GRIK2: variants seen among roughly 807,000 people sequenced by gnomAD.
The protein encoded by GRIK2 is glutamate ionotropic receptor kainate type subunit 2.
A neutral mutation model predicts 100.3 loss-of-function variants in GRIK2; 32 were observed. That is an observed-to-expected ratio of 0.32 (90% CI 0.24 to 0.43). GRIK2 has a LOEUF of 0.43. GRIK2 is among the 20% of genes least tolerant of loss of function. GRIK2 has a pLI of 1.00. For missense variants in GRIK2, 843 were observed against 1,114.9 expected (o/e 0.76, Z 3.47); for synonymous variants, 417 against 389.4 (o/e 1.07, Z -0.83).
chr6:101,664,895 C>CA (rs1769899687), intron 4 of GRIK2, among the ~76,000 whole-genome samples: 1 of 152,086 alleles, frequency 6.6e-6, no homozygotes, highest in African/African-American at 2.4e-5. Flanking sequence ...AAAACAACAA[C>CA]AAAAAATCAG....
At chr6:101,753,480 G>A (rs1396524977) in intron 7 of GRIK2, among the ~76,000 whole-genome samples, 3 of 151,982 alleles carry the variant, frequency 2.0e-5, no homozygotes, top group Admixed American at 6.6e-5. Context: ...GTTATGGAGA[G>A]TATGAAGTCT....
intron 7 of GRIK2, among the ~76,000 whole-genome samples, chr6:101,735,280 A>G (rs1340862561): frequency 1.3e-5 from 2 of 152,168 alleles, no homozygotes; most frequent in Admixed American, 6.5e-5. Context: ...AGAGGAAGGG[A>G]AGCCCTGGAG....
intron 14 of GRIK2, among the ~76,000 whole-genome samples, chr6:101,965,193 C>A (rs753707516): frequency 6.6e-6 from 1 of 152,134 alleles, no homozygotes; most frequent in Non-Finnish European, 1.5e-5. Context: ...TACTATACTT[C>A]ATTATTCATT....
chr6:101,795,774 T>G (rs1238004299), intron 7 of GRIK2, among the ~76,000 whole-genome samples: 1 of 152,132 alleles, frequency 6.6e-6, no homozygotes, highest in Non-Finnish European at 1.5e-5. Flanking sequence ...CTTGGGTACT[T>G]GGGGGATAGT....
At chr6:101,626,741 T>C in intron 4 of GRIK2, 104 bp downstream of exon 4, 5 of 1,034,190 alleles carry the variant, frequency 4.8e-6, no homozygotes, top group Non-Finnish European at 7.0e-6. Context: ...ATTTTGAGTT[T>C]TGAAAATTCA....
chr6:101,399,954 G>A (rs1165638025), intron 2 of GRIK2, among the ~76,000 whole-genome samples: 1 of 152,218 alleles, frequency 6.6e-6, no homozygotes, highest in Non-Finnish European at 1.5e-5. Flanking sequence ...TGCCCTTACT[G>A]GGATGCAGAG....
rs1191874398 is a variant in GRIK2, at chr6:101,565,915, TTATATATATATATATATGTGTATATATA to T, written c.116-56017_116-55990del. Among the ~76,000 whole-genome samples the T allele has an allele frequency of 2.4e-4, 30 of 123,338 alleles. 2 individuals are homozygous for T. The highest frequency in any genetic ancestry group is 7.3e-4 in the Admixed American group (9 of 12,380). The allele number at this position is 123,338 out of a possible 152,430, so 80.9% of individuals were successfully genotyped here. Reference sequence around the variant, plus strand: ...CAATCTTTATCTTTATATACCTATTTTATATATATATATATATGTGTATATATATATATATATATATATAAGCAAACTA... The same window carrying T: ...CAATCTTTATCTTTATATACCTATTTTATATATATATATATAAGCAAACTA... On this transcript the variant is annotated intron_variant, in intron 2 of 16. Coordinates refer to ENST00000369134, the MANE Select transcript of GRIK2 (RefSeq NM_021956.5).
At chr6:101,394,550 T>A (rs1774927523) in intron 1 of GRIK2, among the ~76,000 whole-genome samples, 1 of 152,240 alleles carries the variant, frequency 6.6e-6, no homozygotes, top group Admixed American at 6.5e-5. Flanking sequence ...AGCCTTTTGG[T>A]AATGCACAGA....
intron 7 of GRIK2, among the ~76,000 whole-genome samples, chr6:101,725,121 G>A (rs1774769573): frequency 6.6e-6 from 1 of 151,966 alleles, no homozygotes; most frequent in Non-Finnish European, 1.5e-5. Context: ...CTTTACACGG[G>A]TAATAATCAT....
intron 2 of GRIK2, among the ~76,000 whole-genome samples, chr6:101,512,671 CT>C (rs112695973): frequency 6.6e-6 from 1 of 152,036 alleles, no homozygotes; most frequent in South Asian, 2.1e-4. Context: ...ATAGTATTAA[CT>C]TTTTTTCAAT....
rs1234192570 is a variant in GRIK2 at position 101,686,335 on chromosome 6, G to A, written c.933G>A (p.Leu311=). ...CACCTCCGAAACCCGATTCAGGTTT[G>A]CTGGATGGATTTATGACGGTATGAA... ...LQAPPKPDSG[L]LDGFMTTDAA... Residue 311 remains leucine (L), a synonymous_variant, in exon 7 of 17, where the codon TTG becomes TTA. Coordinates refer to ENST00000369134, the MANE Select transcript of GRIK2 (RefSeq NM_021956.5). 1 of 1,613,228 alleles carries A rather than the reference G, an allele frequency of 6.2e-7. No homozygotes were observed.
chr6:101,595,190 T>A, intron 2 of GRIK2, among the ~76,000 whole-genome samples: 1 of 150,466 alleles, frequency 6.6e-6, no homozygotes, highest in African/African-American at 2.4e-5. Flanking sequence ...AGGCAAGAAA[T>A]GGAAGGAGAA....
intron 7 of GRIK2, among the ~76,000 whole-genome samples, chr6:101,740,346 G>A (rs568594978): frequency 6.6e-6 from 1 of 152,214 alleles, no homozygotes; most frequent in East Asian, 1.9e-4. Flanking sequence ...GTAACATATA[G>A]GAAGGTTGTT....
Position 101,963,510 on chromosome 6 carries a change from T to TTTC in GRIK2, c.2085+34880_2085+34881insCTT, listed in dbSNP as rs1491354748. ...TTTTCTCTTTTTCTTTCTTTCTTTC[T>TTTC]TTTTTTTTTTTTTTTGTATTTTTAG... On this transcript the variant is annotated intron_variant, in intron 14 of 16. Coordinates refer to ENST00000369134, the MANE Select transcript of GRIK2 (RefSeq NM_021956.5). Among the ~76,000 whole-genome samples, 77 of 34,718 alleles carry TTTC rather than the reference T, an allele frequency of 2.2e-3. No individual in the cohort carries two copies. In the South Asian group the frequency reaches 0.038, roughly 17 times the overall value. 22.8% of individuals were successfully genotyped at this position (34,718 alleles called of 152,430 possible).
intron 2 of GRIK2, among the ~76,000 whole-genome samples, chr6:101,547,321 G>C (rs994372964): frequency 7.8e-5 from 4 of 51,498 alleles, no homozygotes; most frequent in African/African-American, 4.0e-4. Context: ...TCTTTTTTTT[G>C]GATTTTTTTT....
intron 14 of GRIK2, among the ~76,000 whole-genome samples, chr6:102,034,134 G>T (rs748765726): frequency 6.6e-6 from 1 of 151,220 alleles, no homozygotes; most frequent in Admixed American, 6.6e-5. Context: ...GGGAGCAAAG[G>T]TTTGCATTTC....
chr6:102,053,661 T>C (rs769789511), intron 15 of GRIK2, among the ~76,000 whole-genome samples: 9 of 152,126 alleles, frequency 5.9e-5, no homozygotes, highest in Non-Finnish European at 1.3e-4. Flanking sequence ...ACCAGAAACA[T>C]ATAAAAATAA....
At chr6:101,577,874 A>T (rs1484069884) in intron 2 of GRIK2, among the ~76,000 whole-genome samples, 1 of 152,122 alleles carries the variant, frequency 6.6e-6, no homozygotes, top group Non-Finnish European at 1.5e-5. Context: ...TAATGAATGA[A>T]GAGCTCCTGT....
At chr6:101,576,886 A>ATGG (rs2128301248) in intron 2 of GRIK2, among the ~76,000 whole-genome samples, 1 of 148,118 alleles carries the variant, frequency 6.8e-6, no homozygotes, top group African/African-American at 2.7e-5. Flanking sequence ...GATCCATTTC[A>ATGG]GGAAAAAAAA....
Sources: allele counts gnomAD v4.1 joint callset (sites outside exome capture counted in the v4.1 genomes callset), GRCh38; gene constraint gnomAD v4.1.1; transcripts MANE v1.5; gene names NCBI Gene and HGNC (gene_info 2026-07-23, HGNC 2026-07-21).